ZNF438: variants seen among roughly 807,000 people sequenced by gnomAD.
ZNF438 encodes zinc finger protein 438.
A neutral mutation model predicts 38.0 loss-of-function variants in ZNF438; 25 were observed. That is an observed-to-expected ratio of 0.66 (90% CI 0.48 to 0.92). The LOEUF is 0.92. Ranked by LOEUF, ZNF438 falls within the 40% of genes least tolerant of loss-of-function variation. The probability of loss-of-function intolerance (pLI) is 0.00; values close to 1 mark genes in which losing one functional copy is unlikely to be tolerated. For synonymous variants in ZNF438, 372 were observed against 364.1 expected (o/e 1.02, Z -0.25); for missense variants, 1,007 against 999.6 (o/e 1.01, Z -0.10).
chr10:31,031,042 C>A (rs552645396), intron 1 of ZNF438, among the ~76,000 whole-genome samples: 1 of 152,282 alleles, frequency 6.6e-6, no homozygotes, highest in South Asian at 2.1e-4. Context: ...TTCTTGGGAT[C>A]CCCATTCTAT....
intron 2 of ZNF438, among the ~76,000 whole-genome samples, chr10:30,928,842 A>G (rs2045281813): frequency 6.6e-6 from 1 of 152,194 alleles, no homozygotes; most frequent in Admixed American, 6.5e-5. Flanking sequence ...CTGGGAGTTC[A>G]GCTGGTCCTT....
intron 3 of ZNF438, among the ~76,000 whole-genome samples, chr10:30,878,327 A>G: frequency 6.6e-6 from 1 of 152,112 alleles, no homozygotes; most frequent in East Asian, 1.9e-4. Flanking sequence ...GCTTGACTGG[A>G]GAGAAGCAAC....
At chr10:30,962,299 C>T (rs56331959) in intron 1 of ZNF438, among the ~76,000 whole-genome samples, 13,595 of 147,116 alleles carry the variant, frequency 0.092, 2,266 homozygotes, top group Non-Finnish European at 0.13. Context: ...AAGTTACTCA[C>T]TTTCCTTCTT....
At chr10:30,950,741 C>T (rs76995207) in intron 1 of ZNF438, among the ~76,000 whole-genome samples, 88,484 of 122,566 alleles carry the variant, frequency 0.72, 33,149 homozygotes, top group African/African-American at 0.87. Flanking sequence ...GGATCTGATA[C>T]TGTGGCAATA....
intron 3 of ZNF438, among the ~76,000 whole-genome samples, chr10:30,900,770 AAAT>A (rs2041884872): frequency 1.3e-5 from 2 of 152,240 alleles, no homozygotes; most frequent in African/African-American, 2.4e-5. Flanking sequence ...TACACATGAA[AAAT>A]AATGATAGTT....
At chr10:30,945,483 C>G (rs534296424) in intron 1 of ZNF438, among the ~76,000 whole-genome samples, 11 of 151,458 alleles carry the variant, frequency 7.3e-5, no homozygotes, top group South Asian at 2.1e-4. Flanking sequence ...ACATGTGCCA[C>G]GCTGGTGCGC....
chr10:30,896,484 G>A (rs1360373840), intron 3 of ZNF438, among the ~76,000 whole-genome samples: 1 of 152,028 alleles, frequency 6.6e-6, no homozygotes, highest in Non-Finnish European at 1.5e-5. Context: ...AAAAAGAAAG[G>A]AAATTCTGAC....
At chr10:30,963,119 G>C (rs532615379) in intron 1 of ZNF438, among the ~76,000 whole-genome samples, 1 of 152,036 alleles carries the variant, frequency 6.6e-6, no homozygotes. Flanking sequence ...GAGGTTGGCC[G>C]GGCACAGTGG....
intron 4 of ZNF438, chr10:30,857,738 G>C (rs77630866): frequency 1.3e-6 from 2 of 1,483,208 alleles, no homozygotes; most frequent in Non-Finnish European, 1.8e-6. Context: ...AATGTGCAAC[G>C]TGTGTCCTCC....
intron 3 of ZNF438, among the ~76,000 whole-genome samples, chr10:30,882,598 C>A (rs1457983297): frequency 6.6e-6 from 1 of 152,146 alleles, no homozygotes; most frequent in Non-Finnish European, 1.5e-5. Context: ...AAGAGCAATA[C>A]TCTATGATTC....
At chr10:31,028,802 G>A (rs1203797276) in intron 1 of ZNF438, among the ~76,000 whole-genome samples, 2 of 152,084 alleles carry the variant, frequency 1.3e-5, no homozygotes, top group Non-Finnish European at 2.9e-5. Flanking sequence ...ACTGGATTAG[G>A]GACTAGAGAT....
chr10:30,959,518 C>A (rs866842686), intron 1 of ZNF438, among the ~76,000 whole-genome samples: 3 of 142,746 alleles, frequency 2.1e-5, no homozygotes, highest in Middle Eastern at 7.8e-3. Context: ...GTGGGCGGAT[C>A]ACGAGGTCAG....
Position 31,030,650 on chromosome 10 carries a change from C to T in ZNF438, c.-192+1183G>A, listed in dbSNP as rs144841950. Among the ~76,000 whole-genome samples, 525 of 152,312 alleles carry T rather than the reference C, an allele frequency of 3.4e-3. 2 individuals carry two copies. The highest frequency in any genetic ancestry group is 0.017 in the Middle Eastern group (5 of 294). On this transcript the variant is annotated intron_variant, in intron 1 of 5. Coordinates refer to ENST00000413025, the Ensembl canonical transcript of ZNF438. The stretch of plus-strand genomic sequence containing the variant: ...GAAGCCCTGCTTTCTGATTCAAAGG[C>T]TCTTCCTACCTGGATGAAAAGATAT...
chr10:30,980,746 G>A (rs2052033192), intron 1 of ZNF438, among the ~76,000 whole-genome samples: 3 of 152,114 alleles, frequency 2.0e-5, no homozygotes, highest in Admixed American at 2.0e-4. Flanking sequence ...AATACAGAAG[G>A]CTAAGGACTG....
chr10:30,917,421 A>G (rs1048844098), intron 2 of ZNF438, among the ~76,000 whole-genome samples: 1 of 152,126 alleles, frequency 6.6e-6, no homozygotes, highest in African/African-American at 2.4e-5. Flanking sequence ...ACTTCATAAG[A>G]AACTGCCAGA....
At chr10:31,027,868 A>G (rs2057042104) in intron 1 of ZNF438, among the ~76,000 whole-genome samples, 1 of 152,162 alleles carries the variant, frequency 6.6e-6, no homozygotes, top group East Asian at 1.9e-4. Context: ...AATTTTATAT[A>G]TTTTTAAAAA....
At chr10:30,961,171 T>A (rs538420112) in intron 1 of ZNF438, among the ~76,000 whole-genome samples, 1 of 144,674 alleles carries the variant, frequency 6.9e-6, no homozygotes, top group African/African-American at 2.4e-5. Context: ...AAGTTTTTTT[T>A]ACATATGTAT....
At chr10:30,915,645 A>T (rs927017919) in intron 2 of ZNF438, among the ~76,000 whole-genome samples, 1 of 152,128 alleles carries the variant, frequency 6.6e-6, no homozygotes, top group Non-Finnish European at 1.5e-5. Context: ...GAGATGAAAA[A>T]ATCTATAAAT....
At chr10:31,022,706 C>A (rs182717319) in intron 1 of ZNF438, among the ~76,000 whole-genome samples, 1 of 152,250 alleles carries the variant, frequency 6.6e-6, no homozygotes, top group East Asian at 1.9e-4. Flanking sequence ...AATGCCCAAC[C>A]GCACGACACA....
Sources: allele counts gnomAD v4.1 joint callset (sites outside exome capture counted in the v4.1 genomes callset), GRCh38; gene constraint gnomAD v4.1.1; transcripts MANE v1.5; gene names NCBI Gene and HGNC (gene_info 2026-07-23, HGNC 2026-07-21).